The following PPM1D variants were observed in gnomAD, a reference collection of about 807,000 sequenced individuals.
PPM1D encodes protein phosphatase 1D.
A neutral mutation model predicts 58.3 loss-of-function variants in PPM1D; 52 were observed. The observed-to-expected ratio is 0.89, with a 90% CI of 0.71 to 1.12. The LOEUF is 1.12. PPM1D is among the 50% of genes most tolerant of loss of function. PPM1D has a pLI of 0.00. For synonymous variants in PPM1D, 278 were observed against 285.1 expected (o/e 0.98, Z 0.25); for missense variants, 564 against 777.2 (o/e 0.73, Z 3.26).
chr17:60,662,716 G>A (rs35548622), intron 5 of PPM1D, among the ~76,000 whole-genome samples: 3 of 152,000 alleles, frequency 2.0e-5, no homozygotes, highest in Non-Finnish European at 4.4e-5. Flanking sequence ...TTGTGACCAC[G>A]TGAATTTTCA....
At chr17:60,623,398 T>TA (rs1472940179) in intron 1 of PPM1D, 123 bp from the exon 2 acceptor site, 1 of 925,504 alleles carries the variant, frequency 1.1e-6, no homozygotes, top group Non-Finnish European at 1.6e-6. Flanking sequence ...ATATTTTTCT[T>TA]AAATTGTTTC....
At chr17:60,604,147 C>T (rs1244300952) in intron 1 of PPM1D, among the ~76,000 whole-genome samples, 4 of 152,160 alleles carry the variant, frequency 2.6e-5, no homozygotes, top group African/African-American at 7.2e-5. Context: ...TTAAGAACGT[C>T]CTCTGAATAG....
chr17:60,635,524 T>G (rs548317084), intron 3 of PPM1D, among the ~76,000 whole-genome samples: 1 of 152,346 alleles, frequency 6.6e-6, no homozygotes, highest in Admixed American at 6.5e-5. Context: ...AAGATTTCTT[T>G]AAGATACATA....
intron 3 of PPM1D, among the ~76,000 whole-genome samples, chr17:60,641,205 T>C (rs1266866444): frequency 6.6e-6 from 1 of 152,180 alleles, no homozygotes; most frequent in Non-Finnish European, 1.5e-5. Flanking sequence ...TTAATTTATA[T>C]TCCCACCAAC....
chr17:60,620,180 G>GT (rs981061179), intron 1 of PPM1D, among the ~76,000 whole-genome samples: 1 of 151,948 alleles, frequency 6.6e-6, no homozygotes, highest in African/African-American at 2.4e-5. Flanking sequence ...TGTATTTTTC[G>GT]TAGAGACGGG....
chr17:60,621,502 C>G (rs1230520907), intron 1 of PPM1D, among the ~76,000 whole-genome samples: 1 of 151,846 alleles, frequency 6.6e-6, no homozygotes, highest in Non-Finnish European at 1.5e-5. Context: ...TCAAGTGATT[C>G]TCCCACCTCA....
intron 3 of PPM1D, among the ~76,000 whole-genome samples, chr17:60,635,783 A>G (rs974308769): frequency 2.0e-5 from 3 of 152,084 alleles, no homozygotes; most frequent in Admixed American, 6.6e-5. Flanking sequence ...GTATTGCTAA[A>G]TTTCTTCCCA....
intron 2 of PPM1D, among the ~76,000 whole-genome samples, chr17:60,630,072 G>A (rs558371095): frequency 2.0e-3 from 310 of 152,108 alleles, no homozygotes; most frequent in Non-Finnish European, 3.5e-3. Flanking sequence ...GCAGCTGGCT[G>A]CGGCACTTGT....
chr17:60,650,212 G>T (rs1376656620), intron 4 of PPM1D, among the ~76,000 whole-genome samples: 2 of 152,178 alleles, frequency 1.3e-5, no homozygotes, highest in African/African-American at 2.4e-5. Context: ...AAGAAAATTT[G>T]CAGGCTTAAT....
intron 4 of PPM1D, among the ~76,000 whole-genome samples, chr17:60,649,089 GTTT>G (rs199595649): frequency 6.7e-6 from 1 of 150,348 alleles, no homozygotes; most frequent in East Asian, 2.0e-4. Context: ...TACTTTTTTT[GTTT>G]TTTTTTCCCC....
At chr17:60,620,090 C>G (rs1477973806) in intron 1 of PPM1D, among the ~76,000 whole-genome samples, 1 of 152,046 alleles carries the variant, frequency 6.6e-6, no homozygotes, top group South Asian at 2.1e-4. Context: ...ACTCCACCCC[C>G]TGGGTTCAAA....
chr17:60,626,364 G>T (rs1270829703), intron 2 of PPM1D, among the ~76,000 whole-genome samples: 1 of 151,450 alleles, frequency 6.6e-6, no homozygotes, highest in African/African-American at 2.4e-5. Context: ...TTAAAAAAGA[G>T]GTGTCTCAAT....
chr17:60,611,361 A>G (rs575172237), intron 1 of PPM1D, among the ~76,000 whole-genome samples: 2 of 152,002 alleles, frequency 1.3e-5, no homozygotes, highest in African/African-American at 2.4e-5. Flanking sequence ...TTTTTTGCCC[A>G]TGTTAACACT....
At chr17:60,607,426 G>T (rs554735992) in intron 1 of PPM1D, among the ~76,000 whole-genome samples, 1 of 152,154 alleles carries the variant, frequency 6.6e-6, no homozygotes, top group Non-Finnish European at 1.5e-5. Context: ...GGGATTACAC[G>T]CATGTGCCAC....
At chr17:60,647,796 TGA>T (rs1449109787) in intron 3 of PPM1D, 94 bp from the exon 4 acceptor site, 1 of 1,205,530 alleles carries the variant, frequency 8.3e-7, no homozygotes, top group Non-Finnish European at 1.2e-6. Context: ...CTGCGTCTAT[TGA>T]GATGAACTGT....
At chr17:60,603,747 G>C (rs1015910431) in intron 1 of PPM1D, among the ~76,000 whole-genome samples, 3 of 129,590 alleles carry the variant, frequency 2.3e-5, no homozygotes, top group Non-Finnish European at 4.8e-5. Flanking sequence ...CTGGGCAACA[G>C]AGTGAGACTC....
Position 60,656,602 on chromosome 17 carries a change from G to A in PPM1D, c.1021G>A (p.Glu341Lys). ...DQEEKKYLMGEHGQSCAKMLV... is the reference protein window; with the variant it reads ...DQEEKKYLMGKHGQSCAKMLV... ...CTCCTTGTTCTTTTGAATACAGGGTGAGCATGGACAATCTTGTGCCAAAAT... is the reference window on the plus strand; with the variant it reads ...CTCCTTGTTCTTTTGAATACAGGGTAAGCATGGACAATCTTGTGCCAAAAT... Residue 341 changes from glutamate (E) to lysine (K), a missense_variant, in exon 5 of 6, where the codon GAG (glutamate) becomes AAG (lysine). Transcript: ENST00000305921. 6.2e-7 allele frequency: 1 copy of A among 1,614,018 alleles called. No individual in the cohort carries two copies. Among genetic ancestry groups the A allele is most frequent in the South Asian group, 1.1e-5 (1 of 91,052 alleles).
At chr17:60,626,381 T>G (rs2143660163) in intron 2 of PPM1D, among the ~76,000 whole-genome samples, 1 of 151,818 alleles carries the variant, frequency 6.6e-6, no homozygotes, top group Admixed American at 6.6e-5. Context: ...CAATGATGTG[T>G]TTTTTTGGGG....
At chr17:60,643,883 CTT>C (rs71148308) in intron 3 of PPM1D, among the ~76,000 whole-genome samples, 3 of 97,748 alleles carry the variant, frequency 3.1e-5, no homozygotes, top group South Asian at 3.7e-4. Flanking sequence ...CTTTTCTTTT[CTT>C]TTTTTTTTTT....
Sources: allele counts gnomAD v4.1 joint callset (sites outside exome capture counted in the v4.1 genomes callset), GRCh38; gene constraint gnomAD v4.1.1; transcripts MANE v1.5; gene names NCBI Gene and HGNC (gene_info 2026-07-23, HGNC 2026-07-21).